Variants in PHF12 observed in about 807,000 individuals in gnomAD.
PHF12 encodes the protein PHD finger protein 12.
PHF12 carries 6 observed loss-of-function variants against 99.8 expected under a neutral mutation model. The observed-to-expected ratio is 0.06, with a 90% CI of 0.03 to 0.12. The LOEUF (loss-of-function observed/expected upper bound fraction) is 0.12, where lower values mean the gene tolerates loss of function less well. Ranked by LOEUF, PHF12 falls within the 10% of genes least tolerant of loss-of-function variation. The probability of loss-of-function intolerance (pLI) is 1.00; values close to 1 mark genes in which losing one functional copy is unlikely to be tolerated. For missense variants in PHF12, 954 were observed against 1,300.1 expected (o/e 0.73, Z 4.09); for synonymous variants, 480 against 514.9 (o/e 0.93, Z 0.92).
At chr17:28,919,018 G>A (rs1050673970) in intron 6 of PHF12, 125 bp downstream of exon 6, 3 of 1,244,910 alleles carry the variant, frequency 2.4e-6, no homozygotes, top group Admixed American at 2.8e-5. Context: ...AGGGTGGCCT[G>A]CAGAAACCAG....
chr17:28,916,384 C>T (rs1367888705), intron 7 of PHF12, among the ~76,000 whole-genome samples: 3 of 152,140 alleles, frequency 2.0e-5, no homozygotes, highest in East Asian at 1.9e-4. Flanking sequence ...TTAGCAGAGA[C>T]GGGGTTTCAC....
At position 28,924,235 on chromosome 17, in the gene PHF12, G is replaced by A. The variant is rs775945814; in HGVS notation, c.389C>T (p.Thr130Ile). 2.2e-5 allele frequency: 36 copies of A among 1,614,226 alleles called. No individual in the cohort carries two copies. Among genetic ancestry groups the A allele is most frequent in the Non-Finnish European group, 3.1e-5 (36 of 1,180,038 alleles). ...GLVDKSGKRT[T>I]SPSSDTDLLD... ...CAAGTCAGTGTCACTGCTGGGGGAT[G>A]TAGTCCGTTTGCCAGATTTGTCCAC... Residue 130 changes from threonine to isoleucine, a missense_variant, in exon 4 of 15, where the codon ACA becomes ATA. This residue lies in a region of PHF12 where 109 missense variants were observed against 145.4 expected (regional missense o/e 0.75). Transcript: ENST00000332830.
intron 10 of PHF12, 132 bp downstream of exon 10, chr17:28,910,980 T>G: frequency 7.8e-7 from 1 of 1,287,264 alleles, no homozygotes; most frequent in Non-Finnish European, 1.1e-6. Flanking sequence ...AGGATACTCC[T>G]CATTCCCATC....
chr17:28,926,290 T>C (rs113167514), intron 3 of PHF12: 195 of 164,016 alleles, frequency 1.2e-3, no homozygotes, highest in African/African-American at 4.0e-3. Flanking sequence ...GGTCACAACA[T>C]AGGAAAGTTG....
chr17:28,930,924 T>C (rs1475970372), intron 2 of PHF12, among the ~76,000 whole-genome samples: 4 of 152,096 alleles, frequency 2.6e-5, no homozygotes. Context: ...TACAAAAAAT[T>C]AGCCAGGTGA....
In PHF12 at chr17:28,951,137, C is replaced by T; in HGVS notation, c.-177G>A. 6 of 1,434,052 alleles carry T rather than the reference C, an allele frequency of 4.2e-6. No homozygotes were observed. Among genetic ancestry groups the T allele is most frequent in the Non-Finnish European group, 5.5e-6 (6 of 1,097,348 alleles). 88.8% of individuals were successfully genotyped at this position (1,434,052 alleles called of 1,614,324 possible). A position where few individuals can be genotyped will look rare whatever the true frequency, so the allele number is the denominator to read the frequency against. ...CGGCCCCCAGTCCCCGGGACGACAG[C>T]GTCCTCCCGACGGGCCGCGAGGGGG... On this transcript the variant is annotated 5_prime_UTR_variant, in exon 1 of 15. Coordinates refer to ENST00000332830, the MANE Select transcript of PHF12 (RefSeq NM_001033561.2).
Position 28,913,093 on chromosome 17 carries a change from G to A in PHF12, c.1478C>T (p.Pro493Leu), listed in dbSNP as rs1214188304. ...GCTAATCCCTGAGGGGCAGGACAAG[G>A]GGTAGTGGGAAGGTGTAGGTGTCTT... ...ADKTPTPSHY[P>L]LSCPSGISTQ... is the part of the protein sequence containing the mutation. The change falls in exon 9 of 15, where the codon CCC becomes CTC. Residue 493 changes from proline to leucine, a missense_variant. Coordinates refer to ENST00000332830, the MANE Select transcript of PHF12 (RefSeq NM_001033561.2). 1.9e-6 allele frequency: 3 copies of A among 1,614,222 alleles called. No homozygotes were observed. Among genetic ancestry groups the A allele is most frequent in the Non-Finnish European group, 2.5e-6 (3 of 1,180,038 alleles).
intron 7 of PHF12, among the ~76,000 whole-genome samples, chr17:28,916,462 C>T (rs34554118): frequency 0.14 from 21,125 of 152,222 alleles, 1,579 homozygotes; most frequent in South Asian, 0.25. Context: ...TCCCAAAGTG[C>T]TAGGATTACA....
intron 13 of PHF12, chr17:28,907,318 G>T: frequency 1.9e-6 from 1 of 534,178 alleles, no homozygotes; most frequent in Non-Finnish European, 3.4e-6. Flanking sequence ...TTCTATGCTG[G>T]TCCCCTCCCT....
chr17:28,921,522 A>G (rs1051798181), intron 5 of PHF12, among the ~76,000 whole-genome samples, 166 bp downstream of exon 5: 1 of 152,138 alleles, frequency 6.6e-6, no homozygotes, highest in African/African-American at 2.4e-5. Flanking sequence ...TTGTTAACAC[A>G]TACACATTCA....
chr17:28,929,019 C>G (rs1206579849), intron 2 of PHF12, among the ~76,000 whole-genome samples: 1 of 151,426 alleles, frequency 6.6e-6, no homozygotes, highest in African/African-American at 2.4e-5. Context: ...TCGCTTGAAC[C>G]TGGGAAGTGG....
intron 2 of PHF12, among the ~76,000 whole-genome samples, chr17:28,931,316 C>T (rs772756147): frequency 3.4e-5 from 5 of 147,776 alleles, no homozygotes; most frequent in Non-Finnish European, 5.9e-5. Context: ...AGTGCAGTGG[C>T]GCGATCTTGG....
At position 28,913,217 on chromosome 17, in the gene PHF12, T is replaced by A; in HGVS notation, c.1354A>T (p.Met452Leu). The change falls in exon 9 of 15, where the codon ATG becomes TTG. Residue 452 changes from methionine (M) to leucine (L), a missense_variant. Physicochemically the swap from Met to Leu is conservative, Grantham distance 15. Coordinates refer to ENST00000332830, the MANE Select transcript of PHF12 (RefSeq NM_001033561.2). ...TGTTCAGAGTCCCAATGCGAAGGCA[T>A]CTGCTTAGCAGATAAATGTTTCAAT... is the stretch of plus-strand genomic sequence containing the variant. Reference protein sequence around the residue: ...SILKHLSAKQMPSHWDSEQTE... With the variant: ...SILKHLSAKQLPSHWDSEQTE... The A allele has an allele frequency of 6.2e-7, 1 of 1,614,122 alleles. No homozygotes were observed. Among genetic ancestry groups the A allele is most frequent in the Non-Finnish European group, 8.5e-7 (1 of 1,180,012 alleles).
intron 9 of PHF12, 173 bp from the exon 10 acceptor site, chr17:28,911,410 A>G: frequency 2.3e-6 from 2 of 856,396 alleles, no homozygotes; most frequent in Non-Finnish European, 3.5e-6. Flanking sequence ...GAGGAAGGGC[A>G]GATGGAACGA....
Position 28,912,923 on chromosome 17 carries a change from G to A in PHF12, c.1648C>T (p.Pro550Ser). The A allele has an allele frequency of 6.2e-7, 1 of 1,614,214 alleles. No homozygotes were observed. Among genetic ancestry groups the A allele is most frequent in the Non-Finnish European group, 8.5e-7 (1 of 1,180,022 alleles). The change falls in exon 9 of 15, where the codon CCA becomes TCA. Residue 550 changes from proline (P) to serine (S), a missense_variant. Pro to Ser is a moderately conservative substitution (Grantham distance 74). This residue lies in a region of PHF12 where 392 missense variants were observed against 423.1 expected (regional missense o/e 0.93). Coordinates refer to ENST00000332830, the MANE Select transcript of PHF12 (RefSeq NM_001033561.2). ...TCAGTAGGGCTGCTGTAGAGGTGTGGGCCATTAGCTTTCACCTCTGTGTTC... is the reference window on the plus strand; with the variant it reads ...TCAGTAGGGCTGCTGTAGAGGTGTGAGCCATTAGCTTTCACCTCTGTGTTC... ...PVNTEVKANG[P>S]HLYSSPTDST...
intron 5 of PHF12, among the ~76,000 whole-genome samples, chr17:28,919,697 C>T (rs1468878776): frequency 6.6e-6 from 1 of 152,118 alleles, no homozygotes; most frequent in African/African-American, 2.4e-5. Context: ...GCCAAGATGG[C>T]GCCACTGCAC....
intron 4 of PHF12, among the ~76,000 whole-genome samples, chr17:28,922,628 A>C (rs1163766933): frequency 6.6e-6 from 1 of 152,202 alleles, no homozygotes; most frequent in African/African-American, 2.4e-5. Flanking sequence ...ACATGTATAT[A>C]ATGATGTATT....
At chr17:28,913,782 G>A (rs1489295217) in intron 8 of PHF12, 97 bp downstream of exon 8, 3 of 1,486,546 alleles carry the variant, frequency 2.0e-6, no homozygotes, top group Admixed American at 2.0e-5. Flanking sequence ...GGTGGGTGGG[G>A]ACTGGAATGA....
intron 2 of PHF12, among the ~76,000 whole-genome samples, chr17:28,939,822 G>C (rs551937558): frequency 4.6e-5 from 7 of 152,334 alleles, no homozygotes; most frequent in African/African-American, 1.4e-4. Flanking sequence ...TAGTAATTCT[G>C]AGAGGTTCCC....
Sources: gnomAD v4.1 joint callset for allele counts (sites outside exome capture counted in the v4.1 genomes callset) on GRCh38, gnomAD v4.1.1 for gene constraint, gnomAD v4.1.1 regional missense constraint, MANE v1.5 for transcripts, NCBI Gene and HGNC (gene_info 2026-07-23, HGNC 2026-07-21) for gene names.